PTGER3: variants seen among roughly 807,000 people sequenced by gnomAD.
PTGER3 encodes the protein prostaglandin E2 receptor EP3 subtype.
A neutral mutation model predicts 34.7 loss-of-function variants in PTGER3; 22 were observed. That is an observed-to-expected ratio of 0.63 (90% CI 0.45 to 0.91). PTGER3 has a LOEUF of 0.91. Ranked by LOEUF, PTGER3 falls within the 40% of genes least tolerant of loss-of-function variation. The pLI is 0.00. For missense variants in PTGER3, 468 were observed against 519.4 expected, an observed-to-expected ratio of 0.90 and a Z score of 0.96; for synonymous variants, 241 against 230.1, an observed-to-expected ratio of 1.05 and a Z score of -0.43.
At chr1:71,008,358 T>C in intron 2 of PTGER3, 10 of 859,374 alleles carry the variant, frequency 1.2e-5, no homozygotes, top group Non-Finnish European at 1.4e-5. Context: ...TAATGCACTC[T>C]GCTTATGGTA....
chr1:71,015,356 C>T (rs919124665), intron 1 of PTGER3, among the ~76,000 whole-genome samples: 4 of 152,124 alleles, frequency 2.6e-5, no homozygotes, highest in African/African-American at 7.2e-5. Context: ...AACATCAACA[C>T]GTAGGAACCC....
intron 4 of PTGER3, among the ~76,000 whole-genome samples, chr1:70,863,230 G>A (rs1014105555): frequency 6.6e-6 from 1 of 151,908 alleles, no homozygotes; most frequent in African/African-American, 2.4e-5. Flanking sequence ...GATGTGATCC[G>A]GAACAGTTCA....
In PTGER3 at chr1:71,047,298, A is replaced by T; in HGVS notation, c.280T>A (p.Trp94Arg). Residue 94 changes from tryptophan to arginine, a missense_variant, in exon 1 of 4, where the codon TGG becomes AGG. Around this residue, in one of 5 missense-constraint regions of PTGER3, gnomAD observed 151 missense variants for 133.5 expected, o/e 1.13. Coordinates refer to ENST00000306666, the MANE Select transcript of PTGER3 (RefSeq NM_198719.2). ...RKKSFLLCIG[W>R]LALTDLVGQL... ...CCGACCAGGTCGGTGAGCGCCAGCC[A>T]GCCGATGCACAGCAGGAAGGACTTC... The T allele has an allele frequency of 6.2e-7, 1 of 1,603,262 alleles. No individual in the cohort carries two copies. Among genetic ancestry groups the T allele is most frequent in the South Asian group, 1.1e-5 (1 of 89,126 alleles).
In PTGER3 at chr1:71,047,731, T is replaced by TGGGACC. The variant is rs1432403103; in HGVS notation, c.-160_-155dup. The TGGGACC allele has an allele frequency of 1.3e-6, 1 of 777,816 alleles. No individual in the cohort carries two copies. Among genetic ancestry groups the TGGGACC allele is most frequent in the Non-Finnish European group, 1.8e-6 (1 of 571,266 alleles). 48.2% of individuals were successfully genotyped at this position (777,816 alleles called of 1,614,324 possible). A position where few individuals can be genotyped will look rare whatever the true frequency, so the allele number is the denominator to read the frequency against. On this transcript the variant is annotated 5_prime_UTR_variant, in exon 1 of 4. Transcript: ENST00000306666. ...CGCAGCCGCCGCCCTACTCCGCTGC[T>TGGGACC]GGGACCGCGGCCGCGGCGGCGCCAG...
intron 2 of PTGER3, among the ~76,000 whole-genome samples, chr1:71,002,530 G>A (rs1458885981): frequency 6.6e-6 from 1 of 152,018 alleles, no homozygotes; most frequent in Non-Finnish European, 1.5e-5. Context: ...AATTACATAT[G>A]GCCAAAATAA....
At chr1:70,918,902 A>T (rs151144090) in intron 4 of PTGER3, among the ~76,000 whole-genome samples, 1,652 of 152,218 alleles carry the variant, frequency 0.011, 30 homozygotes, top group African/African-American at 0.037. Context: ...GCAGAGAATT[A>T]GGACAATTTG....
intron 2 of PTGER3, among the ~76,000 whole-genome samples, chr1:70,960,480 G>A (rs150914777): frequency 6.6e-6 from 1 of 152,212 alleles, no homozygotes; most frequent in East Asian, 1.9e-4. Context: ...GTGAGGCTTG[G>A]TAAGGAGGAC....
rs371776499 is a variant in PTGER3, at chr1:70,880,650, A to T, written c.*24-27791T>A. Among the ~76,000 whole-genome samples the T allele has an allele frequency of 6.3e-4, 95 of 151,250 alleles. 1 individual carries two copies. Among genetic ancestry groups the T allele is most frequent in the African/African-American group, 2.2e-3 (92 of 41,196 alleles). On this transcript the variant is annotated intron_variant, in intron 4 of 4. Coordinates refer to the PTGER3 transcript ENST00000370931. ...GGTTGCAGTGAGCTGAGATTGTGCC[A>T]CTTCACTCCAGCCTGAGTGAAAGAG...
At chr1:70,995,170 TG>T (rs1655823159) in intron 2 of PTGER3, among the ~76,000 whole-genome samples, 1 of 152,172 alleles carries the variant, frequency 6.6e-6, no homozygotes, top group African/African-American at 2.4e-5. Context: ...CTTTAATGAA[TG>T]AGCAGAATTT....
rs1377248478 is a variant in PTGER3 at position 70,971,391 on chromosome 1, TA to T, written c.*338del. 9.6e-7 allele frequency: 1 copy of T among 1,042,966 alleles called. No homozygotes were observed. Among genetic ancestry groups the T allele is most frequent in the African/African-American group, 1.7e-5 (1 of 59,500 alleles). The allele number at this position is 1,042,966 out of a possible 1,614,324, so 64.6% of individuals were successfully genotyped here. ...GAAATGTAAAGATGTCCACTTTGGTTAAGATTCACGTAAAGGTTTGAAGTTG... is the reference window on the plus strand; with the variant it reads ...GAAATGTAAAGATGTCCACTTTGGTTAGATTCACGTAAAGGTTTGAAGTTG... On this transcript the variant is annotated 3_prime_UTR_variant, in exon 4 of 4. Transcript: ENST00000306666.
At chr1:70,903,124 A>C (rs1646876231) in intron 4 of PTGER3, among the ~76,000 whole-genome samples, 1 of 152,194 alleles carries the variant, frequency 6.6e-6, no homozygotes, top group African/African-American at 2.4e-5. Context: ...AGACGAAGGC[A>C]GAGATTGAAG....
chr1:70,998,902 C>G (rs1429839671), intron 2 of PTGER3, among the ~76,000 whole-genome samples: 1 of 152,122 alleles, frequency 6.6e-6, no homozygotes, highest in Non-Finnish European at 1.5e-5. Flanking sequence ...TGGCGTGTGG[C>G]TGGGCACGGT....
chr1:70,950,528 C>T (rs537842736), downstream of PTGER3, among the ~76,000 whole-genome samples: 2 of 152,280 alleles, frequency 1.3e-5, no homozygotes, highest in Admixed American at 6.5e-5. Context: ...TGGCAATCCA[C>T]TACTTTCAAA....
intron 1 of PTGER3, among the ~76,000 whole-genome samples, chr1:71,036,252 A>C (rs1177315042): frequency 2.6e-5 from 4 of 152,226 alleles, no homozygotes; most frequent in Non-Finnish European, 4.4e-5. Flanking sequence ...GGAGATCAAG[A>C]AACTGAACCT....
At chr1:70,965,495 A>G (rs1652423066) in intron 2 of PTGER3, among the ~76,000 whole-genome samples, 1 of 152,216 alleles carries the variant, frequency 6.6e-6, no homozygotes, top group Non-Finnish European at 1.5e-5. Context: ...TTAGATACAT[A>G]GAAAGGAGAC....
chr1:70,856,512 C>G (rs1645808536), intron 4 of PTGER3, among the ~76,000 whole-genome samples: 1 of 150,198 alleles, frequency 6.7e-6, no homozygotes, highest in Admixed American at 6.6e-5. Context: ...TTCCCCAATT[C>G]AAGTAGGTCA....
chr1:70,997,792 T>C (rs1009405677), intron 2 of PTGER3, among the ~76,000 whole-genome samples: 1 of 152,202 alleles, frequency 6.6e-6, no homozygotes, highest in African/African-American at 2.4e-5. Flanking sequence ...AGCAGCTATA[T>C]TCAGACAAAT....
chr1:70,886,831 C>T (rs146190219), intron 4 of PTGER3, among the ~76,000 whole-genome samples: 1 of 152,164 alleles, frequency 6.6e-6, no homozygotes, highest in African/African-American at 2.4e-5. Context: ...AATGAAGTGA[C>T]TTGCCAAGGT....
intron 1 of PTGER3, among the ~76,000 whole-genome samples, chr1:71,025,518 G>A (rs959735702): frequency 1.4e-5 from 2 of 147,098 alleles, no homozygotes; most frequent in African/African-American, 4.9e-5. Flanking sequence ...CTAATACTTA[G>A]TGTCAAAAGT....
Sources: allele counts gnomAD v4.1 joint callset (sites outside exome capture counted in the v4.1 genomes callset), GRCh38; gene constraint gnomAD v4.1.1; regional missense constraint gnomAD v4.1.1; transcripts MANE v1.5; gene names NCBI Gene and HGNC (gene_info 2026-07-23, HGNC 2026-07-21).